Variants in WASF3 observed in about 807,000 individuals in gnomAD.
WASF3 encodes WASP family member 3.
In WASF3, 11 loss-of-function variants were observed where a neutral mutation model predicts 46.6. That is an observed-to-expected ratio of 0.24 (90% CI 0.15 to 0.39). WASF3 has a LOEUF of 0.39. Ranked by LOEUF, WASF3 falls within the 10% of genes least tolerant of loss-of-function variation. The pLI is 1.00. For synonymous variants in WASF3, 242 were observed against 259.7 expected (o/e 0.93, Z 0.65); for missense variants, 576 against 669.8 (o/e 0.86, Z 1.55).
Position 26,595,018 on chromosome 13 carries a change from G to A in WASF3, c.-108-17943G>A, listed in dbSNP as rs139617562. Among the ~76,000 whole-genome samples, 199 of 152,252 alleles carry A rather than the reference G, an allele frequency of 1.3e-3. 2 individuals are homozygous for A. The highest frequency in any genetic ancestry group is 4.5e-3 in the African/African-American group (187 of 41,536). Reference sequence around the variant, plus strand: ...AGCAGTGTATAAGTACCTTGATAACGTAGTCTTCAATGTCATTTGTTGCTA... The same window carrying A: ...AGCAGTGTATAAGTACCTTGATAACATAGTCTTCAATGTCATTTGTTGCTA... On this transcript the variant is annotated intron_variant, in intron 1 of 9. Transcript: ENST00000335327.
At position 26,589,294 on chromosome 13, in the gene WASF3, C is replaced by G. The variant is rs557245848; in HGVS notation, c.-108-23667C>G. ...TGAAGTTTAGCACTAAAAATGGTTCCTCTCAGAACTGGGTAATGTGGAGTG... is the reference window on the plus strand; with the variant it reads ...TGAAGTTTAGCACTAAAAATGGTTCGTCTCAGAACTGGGTAATGTGGAGTG... On this transcript the variant is annotated intron_variant, in intron 1 of 9. Coordinates refer to ENST00000335327, the MANE Select transcript of WASF3 (RefSeq NM_006646.6). 5.3e-5 allele frequency among the ~76,000 whole-genome samples: 8 copies of G among 152,282 alleles called. No individual in the cohort carries two copies. The South Asian group carries it at 8.3e-4, about 16-fold the overall frequency.
chr13:26,665,315 C>T (rs896881713), intron 4 of WASF3, among the ~76,000 whole-genome samples, 153 bp downstream of exon 4: 3 of 152,166 alleles, frequency 2.0e-5, no homozygotes, highest in African/African-American at 7.2e-5. Context: ...AAACCTACAA[C>T]TTTGTGTTAA....
intron 1 of WASF3, among the ~76,000 whole-genome samples, chr13:26,571,459 A>G (rs865907872): frequency 6.6e-6 from 1 of 152,150 alleles, no homozygotes; most frequent in African/African-American, 2.4e-5. Context: ...TCTTCTTCTG[A>G]ATAGTGATTG....
At chr13:26,680,141 T>C (rs1217148280) in intron 7 of WASF3, 11 of 1,597,740 alleles carry the variant, frequency 6.9e-6, no homozygotes, top group Non-Finnish European at 9.3e-6. Context: ...ATTGAGTTTA[T>C]GAGTGACGCA....
chr13:26,578,390 G>A (rs9551298), intron 1 of WASF3, among the ~76,000 whole-genome samples: 56,743 of 151,928 alleles, frequency 0.37, 11,086 homozygotes, highest in East Asian at 0.58. Flanking sequence ...TAAATTGTTC[G>A]TAATTCAGTC....
chr13:26,661,496 C>T (rs147087039), intron 3 of WASF3, among the ~76,000 whole-genome samples: 152 of 152,276 alleles, frequency 1.0e-3, no homozygotes, highest in African/African-American at 3.5e-3. Flanking sequence ...ATGTGTGTAC[C>T]ACATTTTGTT....
rs200299739 is a variant in WASF3, at chr13:26,578,993, C to CTTTTTTTTTTTTTTTTTTTTTTTTTTT, written c.-109+21197_-109+21198insTTTTTTTTTTTTTTTTTTTTTTTTTTT. The stretch of plus-strand genomic sequence containing the variant: ...ACCTTATATTCTTGGGATACATTTC[C>CTTTTTTTTTTTTTTTTTTTTTTTTTTT]TTTTTTTTTTTTTTTTTTTTTTTGT... On this transcript the variant is annotated intron_variant, in intron 1 of 9. Coordinates refer to ENST00000335327, the MANE Select transcript of WASF3 (RefSeq NM_006646.6). Among the ~76,000 whole-genome samples, 41 of 60,636 alleles carry CTTTTTTTTTTTTTTTTTTTTTTTTTTT rather than the reference C, an allele frequency of 6.8e-4. 8 individuals carry two copies. The highest frequency in any genetic ancestry group is 1.8e-3 in the African/African-American group (23 of 13,028). The allele number at this position is 60,636 out of a possible 152,430, so 39.8% of individuals were successfully genotyped here. A position where few individuals can be genotyped will look rare whatever the true frequency, so the allele number is the denominator to read the frequency against.
chr13:26,573,690 G>C (rs949623078), intron 1 of WASF3, among the ~76,000 whole-genome samples: 1 of 151,708 alleles, frequency 6.6e-6, no homozygotes, highest in Non-Finnish European at 1.5e-5. Context: ...TATTATTTTT[G>C]TATATTTTAC....
chr13:26,579,012 T>TTTTTTTTTTTG, intron 1 of WASF3, among the ~76,000 whole-genome samples: 1 of 119,010 alleles, frequency 8.4e-6, no homozygotes, highest in African/African-American at 3.0e-5. Flanking sequence ...TTTTTTTTTT[T>TTTTTTTTTTTG]TTTTGTGGGT....
upstream of WASF3, among the ~76,000 whole-genome samples, chr13:26,554,084 C>CTTTTCTTTCTTTCTTTCT: frequency 2.8e-5 from 1 of 36,230 alleles, no homozygotes; most frequent in South Asian, 1.3e-3. Context: ...TCCTTCCTTC[C>CTTTTCTTTCTTTCTTTCT]TTCCTTCCTT....
chr13:26,659,974 A>T (rs1327259939), intron 3 of WASF3, among the ~76,000 whole-genome samples: 1 of 152,144 alleles, frequency 6.6e-6, no homozygotes, highest in African/African-American at 2.4e-5. Context: ...GAAGAGGCCC[A>T]TCTGGAGGTA....
intron 5 of WASF3, among the ~76,000 whole-genome samples, chr13:26,669,472 A>G (rs1176984918): frequency 6.6e-6 from 1 of 151,812 alleles, no homozygotes; most frequent in African/African-American, 2.4e-5. Context: ...CACTGTAACA[A>G]TATTGTCTTA....
intron 2 of WASF3, among the ~76,000 whole-genome samples, chr13:26,618,478 AC>A (rs1881207211): frequency 6.9e-6 from 1 of 145,646 alleles, no homozygotes; most frequent in South Asian, 2.3e-4. Flanking sequence ...CTCTCTCCCC[AC>A]CGTCTCCCCC....
chr13:26,672,727 C>G (rs527798316), intron 6 of WASF3, among the ~76,000 whole-genome samples: 1 of 152,016 alleles, frequency 6.6e-6, no homozygotes, highest in Non-Finnish European at 1.5e-5. Context: ...CAGATTAGAG[C>G]GCTTTATTTA....
intron 9 of WASF3, among the ~76,000 whole-genome samples, chr13:26,683,514 A>C (rs937919691): frequency 6.6e-6 from 1 of 151,870 alleles, no homozygotes; most frequent in African/African-American, 2.4e-5. Context: ...GTTTTTACTT[A>C]CCTTGAAACC....
At chr13:26,639,069 C>T (rs1252503061) in intron 2 of WASF3, among the ~76,000 whole-genome samples, 1 of 152,182 alleles carries the variant, frequency 6.6e-6, no homozygotes, top group East Asian at 1.9e-4. Flanking sequence ...CCAAATAAAC[C>T]TCTTCTCTTT....
chr13:26,544,559 A>G, the WASF3 span, among the ~76,000 whole-genome samples: 1 of 152,238 alleles, frequency 6.6e-6, no homozygotes, highest in Non-Finnish European at 1.5e-5. Context: ...AAGAGTGACT[A>G]CTAAGAATAG....
chr13:26,684,355 A>C (rs1191120502), intron 9 of WASF3, among the ~76,000 whole-genome samples: 1 of 151,926 alleles, frequency 6.6e-6, no homozygotes, highest in Non-Finnish European at 1.5e-5. Flanking sequence ...GAAACATCTG[A>C]TACACCCAAA....
chr13:26,568,934 T>C (rs1879552202), intron 1 of WASF3, among the ~76,000 whole-genome samples: 1 of 152,224 alleles, frequency 6.6e-6, no homozygotes, highest in South Asian at 2.1e-4. Flanking sequence ...TCTGGAGTTA[T>C]TGGATATGAC....
Sources: allele counts gnomAD v4.1 joint callset (sites outside exome capture counted in the v4.1 genomes callset), GRCh38; gene constraint gnomAD v4.1.1; transcripts MANE v1.5; gene names NCBI Gene and HGNC (gene_info 2026-07-23, HGNC 2026-07-21).